The following MICALL2 variants were observed in gnomAD, a reference collection of about 807,000 sequenced individuals.
The protein encoded by MICALL2 is MICAL-like protein 2.
In MICALL2, 111 loss-of-function variants were observed where a neutral mutation model predicts 91.1. That is an observed-to-expected ratio of 1.22 (90% CI 1.04 to 1.43). The LOEUF (loss-of-function observed/expected upper bound fraction) is 1.43, where lower values mean the gene tolerates loss of function less well. Ranked by LOEUF, MICALL2 falls within the 40% of genes most tolerant of loss-of-function variation. The probability of loss-of-function intolerance (pLI) is 0.00; values close to 1 mark genes in which losing one functional copy is unlikely to be tolerated. For synonymous variants in MICALL2, 694 were observed against 525.3 expected, an observed-to-expected ratio of 1.32 and a Z score of -4.39; for missense variants, 1,556 against 1,236.0, an observed-to-expected ratio of 1.26 and a Z score of -3.88.
rs367967495 is a variant in MICALL2 at position 1,448,879 on chromosome 7, G to A, written c.193-118C>T. The stretch of plus-strand genomic sequence containing the variant: ...GGAGCCCAAAGAGGCGTGGGTTGGA[G>A]GCCGGAGCTGAGTTCTGCTCGCGTG... On this transcript the variant is annotated intron_variant, in intron 2 of 16. Coordinates refer to ENST00000297508, the MANE Select transcript of MICALL2 (RefSeq NM_182924.4). The A allele has an allele frequency of 1.9e-5, 24 of 1,268,182 alleles. No homozygotes were observed. The African/African-American group carries it at 2.1e-4, about 11-fold the overall frequency. 78.6% of individuals were successfully genotyped at this position (1,268,182 alleles called of 1,614,324 possible). A position where few individuals can be genotyped will look rare whatever the true frequency, so the allele number is the denominator to read the frequency against.
At chr7:1,450,351 C>T in intron 1 of MICALL2, 63 bp from the exon 2 acceptor site, 1 of 1,381,106 alleles carries the variant, frequency 7.2e-7, no homozygotes, top group Non-Finnish European at 1.0e-6. Context: ...GGCTGGAGGG[C>T]CTCAGAGGTC....
At chr7:1,445,554 C>A (rs1780535660) in intron 5 of MICALL2, 126 bp from the exon 6 acceptor site, 1 of 872,692 alleles carries the variant, frequency 1.1e-6, no homozygotes, top group Non-Finnish European at 1.7e-6. Context: ...GAACGCCCGC[C>A]CCGCCACGCA....
At chr7:1,436,958 G>A (rs759536415) in intron 14 of MICALL2, 102 bp from the exon 15 acceptor site, 86 of 844,894 alleles carry the variant, frequency 1.0e-4, no homozygotes, top group Non-Finnish European at 1.4e-4. Flanking sequence ...TCTTTTGGAG[G>A]AAGAAGGTGG....
At chr7:1,437,086 GC>G in intron 14 of MICALL2, 1 of 490,910 alleles carries the variant, frequency 2.0e-6, no homozygotes, top group Non-Finnish European at 3.6e-6. Context: ...AACACCACTC[GC>G]TGCAGAGATA....
intron 15 of MICALL2, 109 bp downstream of exon 15, chr7:1,436,633 A>G (rs1779978272): frequency 1.4e-6 from 1 of 726,668 alleles, no homozygotes; most frequent in Non-Finnish European, 2.2e-6. Context: ...AGCATAGACA[A>G]TAACCGCCTG....
Position 1,437,927 on chromosome 7 carries a change from G to C in MICALL2, c.2365C>G (p.Gln789Glu). Residue 789 changes from glutamine (Q) to glutamate (E), a missense_variant, in exon 13 of 17, where the codon CAG becomes GAG. Physicochemically the swap from Gln to Glu is conservative, Grantham distance 29. Coordinates refer to ENST00000297508, the MANE Select transcript of MICALL2 (RefSeq NM_182924.4). ...TCTGACTCCTGTCTCAGCAGAAGCT[G>C]CTTCTCGTGAATGAGCCAGAACCAG... ...VDWFWLIHEK[Q>E]LLLRQESELM... 1 of 1,549,600 alleles carries C rather than the reference G, an allele frequency of 6.5e-7. No homozygotes were observed. The highest frequency in any genetic ancestry group is 8.7e-7 in the Non-Finnish European group (1 of 1,146,974).
chr7:1,447,750 C>G lies in MICALL2; in HGVS notation c.350G>C (p.Gly117Ala). 5 of 1,542,980 alleles carry G rather than the reference C, an allele frequency of 3.2e-6. No individual in the cohort carries two copies. The highest frequency in any genetic ancestry group is 4.4e-6 in the Non-Finnish European group (5 of 1,142,768). The change falls in exon 4 of 17, where the codon GGC (glycine) becomes GCC (alanine). Residue 117 changes from glycine (G) to alanine (A), a missense_variant. Coordinates refer to ENST00000297508, the MANE Select transcript of MICALL2 (RefSeq NM_182924.4). Reference protein sequence around the residue: ...HGRSPIGGMAGVKRASEDSEE... With the variant: ...HGRSPIGGMAAVKRASEDSEE... ...AGAGTCCTCCGAGGCCCTCTTCACG[C>G]CTGCCATGCCCCCAACTGGAGGAAT...
chr7:1,440,707 G>A (rs367997591), intron 7 of MICALL2, 23 bp from the exon 8 acceptor site: 11 of 1,598,656 alleles, frequency 6.9e-6, no homozygotes, highest in Non-Finnish European at 7.7e-6. Flanking sequence ...CAAGGGGTCT[G>A]GGTGTGAGGA....
intron 5 of MICALL2, 32 bp from the exon 6 acceptor site, chr7:1,445,460 C>T (rs1457000694): frequency 1.1e-5 from 16 of 1,463,440 alleles, no homozygotes; most frequent in East Asian, 5.0e-5. Context: ...AGCCCCAGCT[C>T]GGCACCGCCC....
chr7:1,441,890 A>G, intron 7 of MICALL2: 1 of 413,936 alleles, frequency 2.4e-6, no homozygotes, highest in South Asian at 3.2e-5. Context: ...CACAGGATGT[A>G]ACTGCCAGAC....
chr7:1,438,375 C>T, intron 10 of MICALL2, 22 bp from the exon 11 acceptor site: 1 of 1,588,204 alleles, frequency 6.3e-7, no homozygotes, highest in Non-Finnish European at 8.6e-7. Context: ...GCAGGGTGAG[C>T]CTCTGGGACC....
chr7:1,443,827 T>TG (rs1472557495), intron 6 of MICALL2, among the ~76,000 whole-genome samples: 1 of 151,620 alleles, frequency 6.6e-6, no homozygotes, highest in African/African-American at 2.4e-5. Context: ...TGTGAGGGGG[T>TG]GGATTTCTAC....
At position 1,439,976 on chromosome 7, in the gene MICALL2, CG is replaced by C; in HGVS notation, c.1914del (p.Val639Ter). On this transcript the variant is annotated frameshift_variant, in exon 9 of 17. Transcript: ENST00000297508. LOFTEE classifies it high-confidence loss of function. ...FAGSVHITLT[P>X]VRPDRTPRPA... Reference sequence around the variant, plus strand: ...GGGCGTGGGGTCCTGTCAGGCCTCACGGGGGTCAGGGTGATGTGGACACTCC... The same window carrying C: ...GGGCGTGGGGTCCTGTCAGGCCTCACGGGGTCAGGGTGATGTGGACACTCC... 2.0e-6 allele frequency: 3 copies of C among 1,523,392 alleles called. No individual in the cohort carries two copies. The highest frequency in any genetic ancestry group is 1.3e-5 in the South Asian group (1 of 76,368). The allele number at this position is 1,523,392 out of a possible 1,614,324, so 94.4% of individuals were successfully genotyped here. A position where few individuals can be genotyped will look rare whatever the true frequency, so the allele number is the denominator to read the frequency against.
rs113861467 is a variant in MICALL2 at position 1,442,068 on chromosome 7, G to A, written c.1711+124C>T. The A allele has an allele frequency of 7.2e-6, 8 of 1,113,876 alleles. No homozygotes were observed. In the South Asian group the frequency reaches 7.2e-5, roughly 10 times the overall value. The allele number at this position is 1,113,876 out of a possible 1,614,324, so 69.0% of individuals were successfully genotyped here. On this transcript the variant is annotated intron_variant, in intron 7 of 16. Transcript: ENST00000297508. The stretch of plus-strand genomic sequence containing the variant: ...GCGAGCAGGTGTCACGGAGGACAGA[G>A]ATGAGACGGAGAGGAAGGCGGGCGG...
At chr7:1,436,710 G>A in intron 15 of MICALL2, 32 bp downstream of exon 15, 1 of 1,556,318 alleles carries the variant, frequency 6.4e-7, no homozygotes. Context: ...ACCTGGCCTG[G>A]CTGGGAGGGG....
At chr7:1,441,535 G>A (rs1280905576) in intron 7 of MICALL2, 1 of 153,754 alleles carries the variant, frequency 6.5e-6, no homozygotes, top group Non-Finnish European at 1.4e-5. Flanking sequence ...GTGTGGTCCA[G>A]GGAGCCCCCA....
Position 1,442,305 on chromosome 7 carries a change from G to T in MICALL2, c.1598C>A (p.Pro533Gln), listed in dbSNP as rs753308017. ...TTCCGCCAAGTTCCTCCTGCCTGCC[G>T]GGGGCAACGCGGATGCCTGAGAGGT... ...SSTSQASALPPAGRRNLAESS... is the reference protein window; with the variant it reads ...SSTSQASALPQAGRRNLAESS... The change falls in exon 7 of 17, where the codon CCG becomes CAG. Residue 533 changes from proline to glutamine, a missense_variant. Pro to Gln is a moderately conservative substitution (Grantham distance 76). Coordinates refer to ENST00000297508, the MANE Select transcript of MICALL2 (RefSeq NM_182924.4). 2.6e-5 allele frequency: 42 copies of T among 1,609,172 alleles called. No homozygotes were observed. The South Asian group carries it at 4.4e-4, about 17-fold the overall frequency.
rs201639803 is a variant in MICALL2, at chr7:1,445,334, C to T, written c.736G>A (p.Ala246Thr). 6.0e-5 allele frequency: 97 copies of T among 1,607,480 alleles called. 2 individuals carry two copies. The highest frequency in any genetic ancestry group is 3.2e-4 in the Admixed American group (19 of 59,792). Residue 246 changes from alanine (A) to threonine (T), a missense_variant, in exon 6 of 17, where the codon GCC (alanine) becomes ACC (threonine). Physicochemically the swap from Ala to Thr is moderately conservative, Grantham distance 58. Transcript: ENST00000297508. ...FVCTSHLPAAASASPKLTGLV... is the reference protein window; with the variant it reads ...FVCTSHLPAATSASPKLTGLV... ...CCCGTCAACTTGGGGCTTGCAGAGG[C>T]GGCTGCGGGGAGGTGGCTGGTGCAG... is the stretch of plus-strand genomic sequence containing the variant.
At chr7:1,453,122 G>A (rs182404741) in intron 1 of MICALL2, among the ~76,000 whole-genome samples, 3 of 152,122 alleles carry the variant, frequency 2.0e-5, no homozygotes, top group African/African-American at 7.2e-5. Flanking sequence ...TCGCCAGGTG[G>A]AGACCCCACT....
Sources: allele counts gnomAD v4.1 joint callset (sites outside exome capture counted in the v4.1 genomes callset), GRCh38; gene constraint gnomAD v4.1.1; transcripts MANE v1.5; gene names NCBI Gene and HGNC (gene_info 2026-07-23, HGNC 2026-07-21).